The following PCDHA2 variants were observed in gnomAD, a reference collection of about 807,000 sequenced individuals.
PCDHA2 encodes the protein protocadherin alpha 2.
A neutral mutation model predicts 66.0 loss-of-function variants in PCDHA2; 58 were observed. That is an observed-to-expected ratio of 0.88 (90% CI 0.71 to 1.09). PCDHA2 has a LOEUF of 1.09. Ranked by LOEUF, PCDHA2 falls within the 50% of genes least tolerant of loss-of-function variation. PCDHA2 has a pLI of 0.00. For missense variants in PCDHA2, 1,267 were observed against 1,242.3 expected, an observed-to-expected ratio of 1.02 and a Z score of -0.30; for synonymous variants, 634 against 554.0, an observed-to-expected ratio of 1.14 and a Z score of -2.03.
Position 140,797,178 on chromosome 5 carries a change from G to A in PCDHA2, c.2214G>A (p.Thr738=). 3.7e-6 allele frequency: 6 copies of A among 1,614,154 alleles called. No individual in the cohort carries two copies. The highest frequency in any genetic ancestry group is 4.2e-6 in the Non-Finnish European group (5 of 1,180,048). The change falls in exon 1 of 4, where the codon ACG becomes ACA. Residue 738 remains threonine (T), a synonymous_variant. Coordinates refer to ENST00000526136, the MANE Select transcript of PCDHA2 (RefSeq NM_018905.3). ...GTGCGCGCGCGCCAGGAAAGCCCAC[G>A]CTGGTGTGCTCCAGCGCCGTGGGGA... ...TEGARAPGKP[T]LVCSSAVGSW... is the part of the protein sequence containing the mutation.
intron 1 of PCDHA2, chr5:140,836,574 G>T: frequency 6.2e-7 from 1 of 1,613,706 alleles, no homozygotes; most frequent in Non-Finnish European, 8.5e-7. Flanking sequence ...CTCTGAGGGC[G>T]CATGTAGTTT....
chr5:140,940,437 C>T (rs1212783028), intron 1 of PCDHA2, among the ~76,000 whole-genome samples: 1 of 151,730 alleles, frequency 6.6e-6, no homozygotes, highest in Non-Finnish European at 1.5e-5. Context: ...TCAAGTCTGC[C>T]ATGATATTTT....
At position 140,801,974 on chromosome 5, in the gene PCDHA2, C is replaced by T. The variant is rs184163664; in HGVS notation, c.2388+4622C>T. On this transcript the variant is annotated intron_variant, in intron 1 of 3. Coordinates refer to ENST00000526136, the MANE Select transcript of PCDHA2 (RefSeq NM_018905.3). ...TACTCGAAAATGCACCAAATGGTAC[C>T]CTAGTGGTGACCGTTAACGCCACCG... 6 of 1,614,146 alleles carry T rather than the reference C, an allele frequency of 3.7e-6. No homozygotes were observed. The East Asian group carries it at 6.7e-5, about 18-fold the overall frequency.
chr5:140,989,745 C>A (rs1554251059), intron 3 of PCDHA2, among the ~76,000 whole-genome samples: 2 of 152,154 alleles, frequency 1.3e-5, no homozygotes, highest in African/African-American at 4.8e-5. Context: ...ATTGCCTAAT[C>A]TGGAGAAACA....
intron 1 of PCDHA2, among the ~76,000 whole-genome samples, chr5:140,885,230 T>G (rs2060523657): frequency 6.6e-6 from 1 of 152,166 alleles, no homozygotes; most frequent in Non-Finnish European, 1.5e-5. Flanking sequence ...GTGATTCTGC[T>G]TTCAATTTTT....
intron 3 of PCDHA2, among the ~76,000 whole-genome samples, chr5:140,993,683 G>A (rs2097577653): frequency 6.6e-6 from 1 of 152,080 alleles, no homozygotes; most frequent in Non-Finnish European, 1.5e-5. Flanking sequence ...TGTGACAGCT[G>A]TCCCATAAGA....
intron 1 of PCDHA2, among the ~76,000 whole-genome samples, chr5:140,820,193 G>C (rs2150106192): frequency 6.6e-6 from 1 of 151,842 alleles, no homozygotes; most frequent in Non-Finnish European, 1.5e-5. Context: ...ATTGATTTGT[G>C]TTTCAACGAT....
At chr5:140,839,222 T>C (rs1358006384) in intron 1 of PCDHA2, among the ~76,000 whole-genome samples, 1 of 151,922 alleles carries the variant, frequency 6.6e-6, no homozygotes, top group Non-Finnish European at 1.5e-5. Flanking sequence ...GATGTAACTG[T>C]AATCTGTTTT....
chr5:140,796,927 G>A lies in PCDHA2; in HGVS notation c.1963G>A (p.Gly655Ser), dbSNP rs1246364353. The change falls in exon 1 of 4, where the codon GGC (glycine) becomes AGC (serine). Residue 655 changes from glycine (G) to serine (S), a missense_variant. By Grantham distance (56) the Gly-to-Ser change is moderately conservative (BLOSUM62 0). Transcript: ENST00000526136. ...HRLLVLVKDH[G>S]EPALTATATV... ...CCTACTCGTGCTGGTGAAGGACCAC[G>A]GCGAACCAGCGTTGACAGCCACGGC... 1 of 1,613,712 alleles carries A rather than the reference G, an allele frequency of 6.2e-7. No individual in the cohort carries two copies. The highest frequency in any genetic ancestry group is 8.5e-7 in the Non-Finnish European group (1 of 1,180,000).
chr5:140,834,313 A>C, intron 1 of PCDHA2: 1 of 1,362,812 alleles, frequency 7.3e-7, no homozygotes. Context: ...GATTGAAATG[A>C]AGGGATAAAA....
intron 1 of PCDHA2, chr5:140,823,251 G>T (rs2150123936): frequency 6.2e-7 from 1 of 1,613,318 alleles, no homozygotes; most frequent in East Asian, 2.2e-5. Flanking sequence ...TGTCCTACTC[G>T]CTGGTGGAGC....
chr5:140,866,610 G>A (rs1177328697), intron 1 of PCDHA2: 2 of 152,124 alleles, frequency 1.3e-5, no homozygotes, highest in Admixed American at 1.3e-4. Context: ...TGGTTTTGGA[G>A]AACCTCCTGG....
rs2150313272 is a variant in PCDHA2, at chr5:140,841,310, C to G, written c.2388+43958C>G. 53 of 1,550,820 alleles carry G rather than the reference C, an allele frequency of 3.4e-5. No individual in the cohort carries two copies. In the Middle Eastern group the frequency reaches 5.2e-4, roughly 15 times the overall value. Reference sequence around the variant, plus strand: ...TAAGATAATATTTTCTGATAGGAAACGACTATTTAACATGGATTATCACTG... The same window carrying G: ...TAAGATAATATTTTCTGATAGGAAAGGACTATTTAACATGGATTATCACTG... On this transcript the variant is annotated intron_variant, in intron 1 of 3. Transcript: ENST00000526136.
chr5:140,830,676 T>C (rs1348567838), intron 1 of PCDHA2: 2 of 357,974 alleles, frequency 5.6e-6, no homozygotes, highest in African/African-American at 4.3e-5. Flanking sequence ...AAATTAGAAA[T>C]CACTGTCCAC....
intron 1 of PCDHA2, chr5:140,882,692 A>G (rs998224514): frequency 6.2e-7 from 1 of 1,614,204 alleles, no homozygotes; most frequent in South Asian, 1.1e-5. Context: ...ACGAATAATC[A>G]TTGCAGAATC....
chr5:140,818,753 G>A (rs1766431196), intron 1 of PCDHA2, among the ~76,000 whole-genome samples: 1 of 152,198 alleles, frequency 6.6e-6, no homozygotes, highest in Non-Finnish European at 1.5e-5. Context: ...TTGGAGGATG[G>A]CTTGAGCCTG....
Position 140,850,690 on chromosome 5 carries a change from G to T in PCDHA2, c.2388+53338G>T, listed in dbSNP as rs2150494322. On this transcript the variant is annotated intron_variant, in intron 1 of 3. Transcript: ENST00000526136. ...TCGGCGATGCCCACCGAGGGCGAGT[G>T]CGCGCCTGGCAAGCCGACGCTGGTG... 3.1e-6 allele frequency: 5 copies of T among 1,598,402 alleles called. 1 individual carries two copies. In the South Asian group the frequency reaches 5.5e-5, roughly 18 times the overall value.
intron 3 of PCDHA2, among the ~76,000 whole-genome samples, chr5:141,001,514 C>A (rs2098022369): frequency 6.6e-6 from 1 of 152,210 alleles, no homozygotes; most frequent in Admixed American, 6.5e-5. Flanking sequence ...GCTTAGCTTT[C>A]TCCCTCTCTC....
At chr5:140,825,690 G>C (rs1554130328) in intron 1 of PCDHA2, 1 of 152,172 alleles carries the variant, frequency 6.6e-6, no homozygotes, top group Admixed American at 6.6e-5. Context: ...CCAAAGTGCT[G>C]GGATTGCAGG....
Sources: allele counts gnomAD v4.1 joint callset (sites outside exome capture counted in the v4.1 genomes callset), GRCh38; gene constraint gnomAD v4.1.1; transcripts MANE v1.5; gene names NCBI Gene and HGNC (gene_info 2026-07-23, HGNC 2026-07-21).